ITGA10: variants seen among roughly 807,000 people sequenced by gnomAD.
The protein encoded by ITGA10 is integrin subunit alpha 10.
Under a neutral mutation model 145.2 loss-of-function variants are expected in ITGA10, and 105 were observed. The observed-to-expected ratio is 0.72, with a 90% CI of 0.62 to 0.85. ITGA10 has a LOEUF of 0.85. Among genes scored for constraint, ITGA10 ranks in the 40% least tolerant of loss-of-function variants. The pLI, the probability that ITGA10 is intolerant of heterozygous loss-of-function variation, is 0.00. For synonymous variants in ITGA10, 506 were observed against 557.8 expected (o/e 0.91, Z 1.31); for missense variants, 1,317 against 1,444.5 (o/e 0.91, Z 1.43).
At position 145,908,327 on chromosome 1, in the gene ITGA10, T is replaced by A. The variant is rs6658804; in HGVS notation, c.53-862A>T. 2.4e-3 allele frequency among the ~76,000 whole-genome samples: 368 copies of A among 152,258 alleles called. 4 individuals carry two copies. Among genetic ancestry groups the A allele is most frequent in the African/African-American group, 7.4e-3 (307 of 41,546 alleles). ...CCCTGGTTGATTCCAGCCTTGGAAA[T>A]CTCAGTGGTAATTAACTGGGTGGGG... On this transcript the variant is annotated intron_variant, in intron 1 of 29. Coordinates refer to ENST00000369304, the MANE Select transcript of ITGA10 (RefSeq NM_003637.5).
chr1:145,901,342 C>A lies in ITGA10; in HGVS notation c.1444-64G>T. 6.3e-7 allele frequency: 1 copy of A among 1,583,478 alleles called. No individual in the cohort carries two copies. Among genetic ancestry groups the A allele is most frequent in the South Asian group, 1.1e-5 (1 of 87,162 alleles). ...GAAGGTAACTGTAGACAAGTGGACTCAGTGGGAAGCACTCACCAGCCTGCT... is the reference window on the plus strand; with the variant it reads ...GAAGGTAACTGTAGACAAGTGGACTAAGTGGGAAGCACTCACCAGCCTGCT... On this transcript the variant is annotated intron_variant, in intron 12 of 29. Transcript: ENST00000369304. The surrounding 1 kb of genome is among the most constrained non-coding windows in gnomAD (Gnocchi z 4.3).
intron 5 of ITGA10, among the ~76,000 whole-genome samples, chr1:145,905,213 T>G (rs1048728559): frequency 2.6e-5 from 4 of 151,894 alleles, no homozygotes; most frequent in Non-Finnish European, 4.4e-5. Flanking sequence ...GAATGAAACA[T>G]GGTAGCAACT....
intron 7 of ITGA10, 51 bp from the exon 8 acceptor site, chr1:145,903,012 C>CACACACAT (rs1656585548): frequency 1.2e-6 from 1 of 867,818 alleles, no homozygotes; most frequent in Non-Finnish European, 1.7e-6. Flanking sequence ...GACACACACA[C>CACACACAT]ACACACACAC....
Position 145,901,884 on chromosome 1 carries a change from G to A in ITGA10, c.1287C>T (p.Ala429=), listed in dbSNP as rs782223827. The change falls in exon 11 of 30, where the codon GCC becomes GCT. Residue 429 remains alanine, a synonymous_variant. Coordinates refer to ENST00000369304, the MANE Select transcript of ITGA10 (RefSeq NM_003637.5). The surrounding 1 kb of genome is among the most constrained non-coding windows in gnomAD (Gnocchi z 4.3). The stretch of plus-strand genomic sequence containing the variant: ...CAACTCTCTGCTGCTCACCCAGGTA[G>A]GCTGCATGGTTCTGCAATGCAGGGG... ...EFPPALQNHA[A]YLGYSVSSML... 6.2e-7 allele frequency: 1 copy of A among 1,614,114 alleles called. No homozygotes were observed. Among genetic ancestry groups the A allele is most frequent in the East Asian group, 2.2e-5 (1 of 44,880 alleles).
chr1:145,905,120 A>T (rs1311575514), intron 5 of ITGA10, among the ~76,000 whole-genome samples: 1 of 152,144 alleles, frequency 6.6e-6, no homozygotes, highest in Non-Finnish European at 1.5e-5. Flanking sequence ...GTTCTAAAAA[A>T]CAAGAAGGAA....
Position 145,897,212 on chromosome 1 carries a change from C to CT in ITGA10, c.2667+34dup, listed in dbSNP as rs1181244798. The CT allele has an allele frequency of 4.4e-6, 7 of 1,605,634 alleles. No individual in the cohort carries two copies. The Admixed American group carries it at 6.7e-5, about 15-fold the overall frequency. ...CCCTCAGATCCCAGCCTCTGCCCTC[C>CT]TAGAGCCCTCTTTTCATCCTAGACC... On this transcript the variant is annotated intron_variant, in intron 21 of 29. Transcript: ENST00000369304.
At chr1:145,903,640 T>C (rs1281253856) in intron 7 of ITGA10, among the ~76,000 whole-genome samples, 1 of 151,504 alleles carries the variant, frequency 6.6e-6, no homozygotes, top group African/African-American at 2.4e-5. Flanking sequence ...GCCCTAACTC[T>C]TCTTCTTCTT....
In ITGA10 at chr1:145,899,188, C is replaced by T. The variant is rs782281992; in HGVS notation, c.2076G>A (p.Trp692Ter). ...FQVTSRTPGR[W>*]DHQFYMRFTA... ...TTAGTCACTCACAGAATTGGTGATC[C>T]CAGCGACCAGGAGTACGGGAGGTCA... Residue 692 changes from tryptophan (W) to a stop codon, truncating the protein, a stop_gained, in exon 16 of 30, where the codon TGG (tryptophan) becomes TGA (stop). Transcript: ENST00000369304. LOFTEE classifies it high-confidence loss of function. The T allele has an allele frequency of 1.2e-6, 2 of 1,614,152 alleles. No individual in the cohort carries two copies. The highest frequency in any genetic ancestry group is 4.5e-5 in the East Asian group (2 of 44,870).
In ITGA10 at chr1:145,906,436, C is replaced by A; in HGVS notation, c.439G>T (p.Ala147Ser). The A allele has an allele frequency of 6.2e-7, 1 of 1,614,096 alleles. No homozygotes were observed. The highest frequency in any genetic ancestry group is 1.1e-5 in the South Asian group (1 of 91,078). ...FSSGICARVDASFQPQGSLAP... is the reference protein window; with the variant it reads ...FSSGICARVDSSFQPQGSLAP... ...AGGCTTCCCTGAGGCTGGAATGAAG[C>A]ATCCACACGGGCACATATCCCAGAA... The change falls in exon 5 of 30, where the codon GCT becomes TCT. Residue 147 changes from alanine (A) to serine (S), a missense_variant. Ala to Ser is a moderately conservative substitution (Grantham distance 99). Transcript: ENST00000369304.
At chr1:145,894,104 T>G (rs951076178) in intron 27 of ITGA10, among the ~76,000 whole-genome samples, 1 of 147,752 alleles carries the variant, frequency 6.8e-6, no homozygotes, top group Non-Finnish European at 1.5e-5. Flanking sequence ...GTACCAAGTA[T>G]GTAGTGGTTT....
At chr1:145,897,128 A>G in intron 21 of ITGA10, 41 bp from the exon 22 acceptor site, 4 of 1,574,660 alleles carry the variant, frequency 2.5e-6, no homozygotes, top group Non-Finnish European at 3.5e-6. Flanking sequence ...AGTCTTCCTC[A>G]TGGAACAACT....
At chr1:145,904,605 C>T in intron 6 of ITGA10, 79 bp downstream of exon 6, 3 of 1,504,878 alleles carry the variant, frequency 2.0e-6, no homozygotes, top group Non-Finnish European at 1.8e-6. Flanking sequence ...GAACTCCTGG[C>T]CTCAGGGGAT....
chr1:145,907,032 T>C lies in ITGA10; in HGVS notation c.274+9A>G. ...GGGTTAGGAGGAGAAGGGTCAGGCA[T>C]CTTCTCACCTAAGTGGCCCTTGGCA... On this transcript the variant is annotated intron_variant, in intron 3 of 29. Coordinates refer to ENST00000369304, the MANE Select transcript of ITGA10 (RefSeq NM_003637.5). 2 of 1,512,414 alleles carry C rather than the reference T, an allele frequency of 1.3e-6. No homozygotes were observed. The highest frequency in any genetic ancestry group is 9.0e-7 in the Non-Finnish European group (1 of 1,114,252). 93.7% of individuals were successfully genotyped at this position (1,512,414 alleles called of 1,614,324 possible).
chr1:145,898,763 T>C (rs782279048), intron 17 of ITGA10, among the ~76,000 whole-genome samples, 173 bp downstream of exon 17: 3 of 152,132 alleles, frequency 2.0e-5, no homozygotes, highest in Non-Finnish European at 2.9e-5. Context: ...AATTCATAGG[T>C]GGTAAATGGC....
At chr1:145,907,938 T>C (rs1657387359) in intron 1 of ITGA10, among the ~76,000 whole-genome samples, 1 of 151,724 alleles carries the variant, frequency 6.6e-6, no homozygotes, top group South Asian at 2.1e-4. Flanking sequence ...GCCCGGCTAA[T>C]TTTTCTTATT....
At chr1:145,907,248 A>G (rs1293351350) in intron 2 of ITGA10, 98 bp from the exon 3 acceptor site, 4 of 1,592,800 alleles carry the variant, frequency 2.5e-6, no homozygotes, top group Non-Finnish European at 2.6e-6. Flanking sequence ...TTAGAGCCCC[A>G]GCCACTTTCA....
At chr1:145,903,024 T>TACACACACACACACACACACAC (rs55794832) in intron 7 of ITGA10, 63 bp from the exon 8 acceptor site, 24 of 379,274 alleles carry the variant, frequency 6.3e-5, no homozygotes, top group Middle Eastern at 1.3e-3. Context: ...CACACACACA[T>TACACACACACACACACACACAC]ACACACACAC....
rs149393519 is a variant in ITGA10, at chr1:145,893,909, C to T, written c.3229-274G>A. 1.0e-3 allele frequency among the ~76,000 whole-genome samples: 154 copies of T among 151,898 alleles called. 1 individual carries two copies. Among genetic ancestry groups the T allele is most frequent in the Middle Eastern group, 3.4e-3 (1 of 294 alleles). ...TTCTACTCCTCTTTCCTTTGGCTGA[C>T]CTCTACCCCTCCTTTAGATTGAAGT... On this transcript the variant is annotated intron_variant, in intron 27 of 29. Transcript: ENST00000369304.
chr1:145,896,011 AGGAAGTAAT>A lies in ITGA10; in HGVS notation c.2996_3004del (p.Asn999_Leu1002delinsIle), dbSNP rs782813484. 1.5e-5 allele frequency: 25 copies of A among 1,613,718 alleles called. No homozygotes were observed. Among genetic ancestry groups the A allele is most frequent in the Non-Finnish European group, 2.0e-5 (24 of 1,179,760 alleles). On this transcript the variant is annotated inframe_deletion, in exon 25 of 30. Transcript: ENST00000369304. ...GTTAGTGATGACTTGAGACAGTGAT[AGGAAGTAAT>A]TGCCCCCATGGGCCACAGCTGGAAG...
Sources: gnomAD v4.1 joint callset for allele counts (sites outside exome capture counted in the v4.1 genomes callset) on GRCh38, gnomAD v4.1.1 for gene constraint, Gnocchi (gnomAD v3.1) non-coding constraint, MANE v1.5 for transcripts, NCBI Gene and HGNC (gene_info 2026-07-23, HGNC 2026-07-21) for gene names.